GPATCH8: variants seen among roughly 807,000 people sequenced by gnomAD.
GPATCH8 encodes G patch domain-containing protein 8.
Under a neutral mutation model 118.3 loss-of-function variants are expected in GPATCH8, and 18 were observed. The observed-to-expected ratio is 0.15, with a 90% CI of 0.11 to 0.23. The LOEUF (loss-of-function observed/expected upper bound fraction) is 0.23. GPATCH8 is among the 10% of genes least tolerant of loss of function. The probability of loss-of-function intolerance (pLI) is 1.00; values close to 1 mark genes in which losing one functional copy is unlikely to be tolerated. For synonymous variants in GPATCH8, 659 were observed against 684.7 expected, an observed-to-expected ratio of 0.96 and a Z score of 0.59; for missense variants, 1,631 against 1,873.8, an observed-to-expected ratio of 0.87 and a Z score of 2.39.
At chr17:44,450,493 ACAAGAAAAC>A (rs2051073122) in intron 3 of GPATCH8, among the ~76,000 whole-genome samples, 1 of 152,204 alleles carries the variant, frequency 6.6e-6, no homozygotes, top group Non-Finnish European at 1.5e-5. Context: ...AATGGGATTT[ACAAGAAAAC>A]CAAGTGGGAT....
rs556047680 is a variant in GPATCH8 at position 44,484,748 on chromosome 17, TA to T, written c.46-9846del. Among the ~76,000 whole-genome samples the T allele has an allele frequency of 3.4e-3, 520 of 152,354 alleles. 3 individuals are homozygous for T. Among genetic ancestry groups the T allele is most frequent in the African/African-American group, 0.012 (498 of 41,584 alleles). On this transcript the variant is annotated intron_variant, in intron 1 of 7. Transcript: ENST00000591680. ...CAAAAAACTTTTAAAAAGTAAAACT[TA>T]ATGTTGTAATTGTCATGTTAAATTT... is the stretch of plus-strand genomic sequence containing the variant.
intron 6 of GPATCH8, among the ~76,000 whole-genome samples, chr17:44,419,617 G>A (rs1282626604): frequency 6.6e-6 from 1 of 151,754 alleles, no homozygotes; most frequent in East Asian, 1.9e-4. Context: ...CTCACAAGTA[G>A]CTCGGACTTA....
In GPATCH8 at chr17:44,401,041, C is replaced by T. The variant is rs558757185; in HGVS notation, c.1036G>A (p.Val346Ile). 1 of 1,614,170 alleles carries T rather than the reference C, an allele frequency of 6.2e-7. No individual in the cohort carries two copies. The highest frequency in any genetic ancestry group is 1.3e-5 in the African/African-American group (1 of 75,030). Residue 346 changes from valine (V) to isoleucine (I), a missense_variant, in exon 8 of 8, where the codon GTA (valine) becomes ATA (isoleucine). Around this residue, in one of 8 missense-constraint regions of GPATCH8, gnomAD observed 405 missense variants for 462.7 expected, o/e 0.88. Coordinates refer to ENST00000591680, the MANE Select transcript of GPATCH8 (RefSeq NM_001002909.4). The stretch of plus-strand genomic sequence containing the variant: ...TTACTGCTCCCATCAGAGTCTCCTA[C>T]CTTCTGCAGTCCTTGGTCAGAACTC... ...EKSSDQGLQK[V>I]GDSDGSSNLD...
At chr17:44,462,838 G>A (rs2051609929) in intron 3 of GPATCH8, among the ~76,000 whole-genome samples, 1 of 151,944 alleles carries the variant, frequency 6.6e-6, no homozygotes, top group Non-Finnish European at 1.5e-5. Flanking sequence ...ATAATTAGCT[G>A]GGCGTGGTGG....
chr17:44,500,551 A>G (rs1021037608), intron 1 of GPATCH8, among the ~76,000 whole-genome samples: 1 of 152,144 alleles, frequency 6.6e-6, no homozygotes, highest in Non-Finnish European at 1.5e-5. Context: ...TAATAGCCCA[A>G]CTCCCTCACT....
intron 3 of GPATCH8, among the ~76,000 whole-genome samples, chr17:44,455,254 C>T (rs570546816): frequency 7.2e-5 from 11 of 152,274 alleles, no homozygotes; most frequent in African/African-American, 2.4e-4. Context: ...GTAATCCCAG[C>T]ACTGTGGGAG....
chr17:44,399,746 G>A lies in GPATCH8; in HGVS notation c.2331C>T (p.Ser777=), dbSNP rs981094635. 5.6e-6 allele frequency: 9 copies of A among 1,613,844 alleles called. No homozygotes were observed. In the South Asian group the frequency reaches 8.8e-5, roughly 16 times the overall value. ...GKKDEGGGGS[S]SQDHGGRKHK... Reference sequence around the variant, plus strand: ...GTTTCCTCCCACCATGGTCTTGGGAGCTGCTACCACCCCCACCTTCATCCT... The same window carrying A: ...GTTTCCTCCCACCATGGTCTTGGGAACTGCTACCACCCCCACCTTCATCCT... Residue 777 remains serine (S), a synonymous_variant, in exon 8 of 8, where the codon AGC becomes AGT. Transcript: ENST00000591680.
intron 1 of GPATCH8, among the ~76,000 whole-genome samples, chr17:44,481,606 T>A (rs1389942202): frequency 1.3e-5 from 2 of 152,214 alleles, no homozygotes; most frequent in Admixed American, 6.5e-5. Flanking sequence ...ACTCAAATTG[T>A]ACTTTTTTTT....
At chr17:44,412,511 C>T (rs1024543812) in intron 6 of GPATCH8, among the ~76,000 whole-genome samples, 6 of 151,998 alleles carry the variant, frequency 3.9e-5, no homozygotes, top group African/African-American at 1.2e-4. Context: ...CTCAACCTCC[C>T]GAGTAGCTGG....
intron 3 of GPATCH8, among the ~76,000 whole-genome samples, chr17:44,437,952 A>C (rs2050567710): frequency 8.2e-6 from 1 of 121,808 alleles, no homozygotes; most frequent in Non-Finnish European, 2.0e-5. Flanking sequence ...TCAGAAAAAA[A>C]AAAAAAACAA....
intron 2 of GPATCH8, chr17:44,467,175 T>G (rs2051799879): frequency 9.1e-6 from 4 of 439,764 alleles, no homozygotes; most frequent in South Asian, 2.8e-5. Context: ...CTAATGGTCG[T>G]TTTTTTTTTT....
intron 6 of GPATCH8, among the ~76,000 whole-genome samples, chr17:44,414,386 A>T (rs1335372822): frequency 6.6e-6 from 1 of 151,910 alleles, no homozygotes; most frequent in Admixed American, 6.6e-5. Flanking sequence ...AGCTCACTGC[A>T]GCCTCGACCT....
At position 44,396,672 on chromosome 17, in the gene GPATCH8, G is replaced by C. The variant is rs756147407; in HGVS notation, c.*896C>G. 3 of 444,778 alleles carry C rather than the reference G, an allele frequency of 6.7e-6. No individual in the cohort carries two copies. The highest frequency in any genetic ancestry group is 4.9e-5 in the South Asian group (3 of 61,372). The allele number at this position is 444,778 out of a possible 1,614,324, so 27.6% of individuals were successfully genotyped here. On this transcript the variant is annotated 3_prime_UTR_variant, in exon 8 of 8. Transcript: ENST00000591680. ...AGAACGAGGATCACTTAAAGAGCTG[G>C]ATGTAAAAAATATTATTGCAGTATA...
At chr17:44,408,820 G>A (rs1165225571) in intron 6 of GPATCH8, among the ~76,000 whole-genome samples, 5 of 152,152 alleles carry the variant, frequency 3.3e-5, no homozygotes, top group Admixed American at 2.0e-4. Flanking sequence ...GCAATAAAAC[G>A]AATCTAAATT....
intron 1 of GPATCH8, among the ~76,000 whole-genome samples, chr17:44,477,398 G>A (rs1386529783): frequency 9.2e-5 from 14 of 152,084 alleles, no homozygotes; most frequent in Admixed American, 9.2e-4. Context: ...TAATGCTACT[G>A]AACTGTATCC....
At chr17:44,475,023 C>G in intron 1 of GPATCH8, 120 bp from the exon 2 acceptor site, 1 of 667,268 alleles carries the variant, frequency 1.5e-6, no homozygotes, top group East Asian at 2.7e-5. Context: ...TAAAAGGACA[C>G]TGCAATCGTT....
intron 4 of GPATCH8, 132 bp from the exon 5 acceptor site, chr17:44,435,283 G>A (rs916687667): frequency 1.5e-6 from 1 of 665,072 alleles, no homozygotes; most frequent in Non-Finnish European, 2.7e-6. Flanking sequence ...GCTACTGCTT[G>A]CTTTATTGTC....
chr17:44,421,711 C>T (rs924183612), intron 6 of GPATCH8, among the ~76,000 whole-genome samples: 2 of 149,148 alleles, frequency 1.3e-5, no homozygotes, highest in African/African-American at 4.9e-5. Context: ...TAGTGTGTAA[C>T]CTTTCTTTCT....
Position 44,474,873 on chromosome 17 carries a change from G to A in GPATCH8, c.76C>T (p.His26Tyr). 1 of 1,575,896 alleles carries A rather than the reference G, an allele frequency of 6.3e-7. No individual in the cohort carries two copies. Among genetic ancestry groups the A allele is most frequent in the Non-Finnish European group, 8.7e-7 (1 of 1,145,562 alleles). ...GNHFDQYEEGHLEIEQASLDK... is the reference protein window; with the variant it reads ...GNHFDQYEEGYLEIEQASLDK... ...AGTGACGCTTGTTCAATTTCCAAGT[G>A]TCCTTCCTCATACTGATCAAAGTGA... Residue 26 changes from histidine to tyrosine, a missense_variant, in exon 2 of 8, where the codon CAC becomes TAC. Physicochemically the swap from His to Tyr is moderately conservative, Grantham distance 83 (BLOSUM62 2). Around this residue, in one of 8 missense-constraint regions of GPATCH8, gnomAD observed 28 missense variants for 33.9 expected, o/e 0.83. Coordinates refer to ENST00000591680, the MANE Select transcript of GPATCH8 (RefSeq NM_001002909.4).
Sources: allele counts gnomAD v4.1 joint callset (sites outside exome capture counted in the v4.1 genomes callset), GRCh38; gene constraint gnomAD v4.1.1; regional missense constraint gnomAD v4.1.1; transcripts MANE v1.5; gene names NCBI Gene and HGNC (gene_info 2026-07-23, HGNC 2026-07-21).